The following ZFAND3 variants were observed in gnomAD, a reference collection of about 807,000 sequenced individuals.
The protein encoded by ZFAND3 is zinc finger AN1-type containing 3, also known as AN1-type zinc finger protein 3.
A neutral mutation model predicts 29.6 loss-of-function variants in ZFAND3; 10 were observed. That is an observed-to-expected ratio of 0.34 (90% CI 0.21 to 0.57). ZFAND3 has a LOEUF of 0.57. Among genes scored for constraint, ZFAND3 ranks in the 20% least tolerant of loss-of-function variants. The pLI, the probability that ZFAND3 is intolerant of heterozygous loss-of-function variation, is 0.86. For missense variants in ZFAND3, 230 were observed against 304.5 expected, an observed-to-expected ratio of 0.76 and a Z score of 1.82; for synonymous variants, 128 against 112.6, an observed-to-expected ratio of 1.14 and a Z score of -0.87.
chr6:37,955,149 T>G (rs376057164), intron 2 of ZFAND3, among the ~76,000 whole-genome samples: 44 of 148,948 alleles, frequency 3.0e-4, no homozygotes, highest in African/African-American at 7.1e-4. Flanking sequence ...CAACCAATTT[T>G]TGTGTGTGTG....
At chr6:37,951,802 C>T (rs898831357) in intron 2 of ZFAND3, among the ~76,000 whole-genome samples, 2 of 151,834 alleles carry the variant, frequency 1.3e-5, no homozygotes, top group African/African-American at 4.8e-5. Context: ...CTAGTTTTTG[C>T]CTGTTTAGTA....
At chr6:38,036,401 A>G (rs1424669704) in intron 2 of ZFAND3, among the ~76,000 whole-genome samples, 1 of 152,192 alleles carries the variant, frequency 6.6e-6, no homozygotes, top group Non-Finnish European at 1.5e-5. Context: ...AGGATAGGAG[A>G]GGAGGATAGA....
At chr6:38,128,105 C>T (rs1242554092) in intron 5 of ZFAND3, among the ~76,000 whole-genome samples, 1 of 152,192 alleles carries the variant, frequency 6.6e-6, no homozygotes, top group Admixed American at 6.5e-5. Flanking sequence ...CCAGTTATGG[C>T]AAACACACGC....
intron 4 of ZFAND3, among the ~76,000 whole-genome samples, chr6:38,097,356 G>A (rs1765004635): frequency 6.6e-6 from 1 of 151,116 alleles, no homozygotes; most frequent in South Asian, 2.1e-4. Flanking sequence ...CAAAGTGCTA[G>A]AATTACAGGT....
At chr6:38,079,102 G>C (rs1043464158) in intron 3 of ZFAND3, among the ~76,000 whole-genome samples, 2 of 152,170 alleles carry the variant, frequency 1.3e-5, no homozygotes, top group Admixed American at 6.5e-5. Flanking sequence ...TTGTGTGGAT[G>C]ACAGCGCAAT....
chr6:37,831,688 A>T (rs1012324951), intron 1 of ZFAND3, among the ~76,000 whole-genome samples: 1 of 152,146 alleles, frequency 6.6e-6, no homozygotes, highest in African/African-American at 2.4e-5. Flanking sequence ...CCACATGAAG[A>T]TGGTAAGGAG....
At chr6:38,027,546 A>G (rs1053338152) in intron 2 of ZFAND3, among the ~76,000 whole-genome samples, 5 of 152,238 alleles carry the variant, frequency 3.3e-5, no homozygotes, top group African/African-American at 1.2e-4. Context: ...TAAAATATCA[A>G]TGAATGTACT....
intron 5 of ZFAND3, among the ~76,000 whole-genome samples, chr6:38,134,670 T>C (rs780962087): frequency 1.3e-5 from 2 of 152,194 alleles, no homozygotes; most frequent in African/African-American, 2.4e-5. Context: ...TCAATGAAGT[T>C]TGTTTCTGCT....
At chr6:37,854,032 A>G (rs1581710282) in intron 1 of ZFAND3, among the ~76,000 whole-genome samples, 1 of 151,962 alleles carries the variant, frequency 6.6e-6, no homozygotes, top group South Asian at 2.1e-4. Context: ...GCTCATTGCA[A>G]CCTCCGCCTC....
chr6:38,099,034 C>T (rs1378550928), intron 4 of ZFAND3, among the ~76,000 whole-genome samples: 1 of 152,122 alleles, frequency 6.6e-6, no homozygotes, highest in Non-Finnish European at 1.5e-5. Flanking sequence ...ATTTCACAAG[C>T]TTGCCTTTTA....
intron 4 of ZFAND3, among the ~76,000 whole-genome samples, chr6:38,115,784 A>T (rs1022598148): frequency 2.0e-5 from 3 of 151,768 alleles, no homozygotes; most frequent in Non-Finnish European, 4.4e-5. Context: ...CTTGCCTGTG[A>T]TAAGAGCTTT....
intron 4 of ZFAND3, among the ~76,000 whole-genome samples, chr6:38,094,746 G>T (rs1432069727): frequency 1.3e-5 from 2 of 152,074 alleles, no homozygotes; most frequent in Admixed American, 1.3e-4. Context: ...CATATCTTCG[G>T]TCGGCTACAC....
intron 1 of ZFAND3, among the ~76,000 whole-genome samples, chr6:37,850,817 T>C (rs899621033): frequency 6.6e-6 from 1 of 152,182 alleles, no homozygotes; most frequent in African/African-American, 2.4e-5. Flanking sequence ...AAGGCTGGTC[T>C]CTGACTCCTG....
chr6:38,003,361 T>C (rs1762984066), intron 2 of ZFAND3: 1 of 153,744 alleles, frequency 6.5e-6, no homozygotes, highest in Non-Finnish European at 1.5e-5. Context: ...ACTGCCATAG[T>C]CATCTGCCCC....
At chr6:38,040,666 A>T (rs1264941228) in intron 2 of ZFAND3, among the ~76,000 whole-genome samples, 1 of 152,162 alleles carries the variant, frequency 6.6e-6, no homozygotes, top group African/African-American at 2.4e-5. Context: ...GGAGTTGTTT[A>T]TGTTTTGCCC....
intron 1 of ZFAND3, among the ~76,000 whole-genome samples, chr6:37,886,334 A>G (rs1160754602): frequency 6.6e-6 from 1 of 150,610 alleles, no homozygotes; most frequent in South Asian, 2.1e-4. Flanking sequence ...AACCTTAATG[A>G]CAAAGAAACC....
intron 2 of ZFAND3, among the ~76,000 whole-genome samples, chr6:37,940,684 C>G (rs1761795940): frequency 6.6e-6 from 1 of 152,156 alleles, no homozygotes; most frequent in Non-Finnish European, 1.5e-5. Flanking sequence ...CAAGAACTTG[C>G]ATATCACATG....
intron 2 of ZFAND3, among the ~76,000 whole-genome samples, chr6:37,968,792 C>G (rs1410478871): frequency 6.6e-6 from 1 of 152,204 alleles, no homozygotes; most frequent in African/African-American, 2.4e-5. Context: ...CCTCAGCCTC[C>G]CTGGTTGCTG....
chr6:37,922,869 G>A (rs983131700), intron 1 of ZFAND3, among the ~76,000 whole-genome samples: 3 of 152,208 alleles, frequency 2.0e-5, no homozygotes, highest in Admixed American at 2.0e-4. Context: ...TGAGTAGTGA[G>A]TGAATGTGAG....
Sources: allele counts gnomAD v4.1 joint callset (sites outside exome capture counted in the v4.1 genomes callset), GRCh38; gene constraint gnomAD v4.1.1; transcripts MANE v1.5; gene names NCBI Gene and HGNC (gene_info 2026-07-23, HGNC 2026-07-21).